CADM2: variants seen among roughly 807,000 people sequenced by gnomAD.
The protein encoded by CADM2 is cell adhesion molecule 2, also known as immunoglobulin superfamily member 4D.
CADM2 carries 12 observed loss-of-function variants against 49.8 expected under a neutral mutation model. The observed-to-expected ratio is 0.24, with a 90% confidence interval of 0.15 to 0.39. CADM2 has a LOEUF of 0.39. Among genes scored for constraint, CADM2 ranks in the 10% least tolerant of loss-of-function variants. The pLI, the probability that CADM2 is intolerant of heterozygous loss-of-function variation, is 1.00. For synonymous variants in CADM2, 214 were observed against 175.4 expected, an observed-to-expected ratio of 1.22 and a Z score of -1.74; for missense variants, 378 against 492.3, an observed-to-expected ratio of 0.77 and a Z score of 2.20.
intron 1 of CADM2, among the ~76,000 whole-genome samples, chr3:85,023,000 A>AG (rs1196866146): frequency 6.6e-6 from 1 of 152,116 alleles, no homozygotes; most frequent in Non-Finnish European, 1.5e-5. Flanking sequence ...TCTACTTATA[A>AG]AATGAGCATT....
intron 6 of CADM2, among the ~76,000 whole-genome samples, chr3:85,916,000 A>G (rs936288372): frequency 2.0e-5 from 3 of 152,168 alleles, no homozygotes; most frequent in African/African-American, 7.2e-5. Flanking sequence ...AGGCATAATG[A>G]AAAAAGTATA....
At chr3:85,449,175 T>C (rs78924839) in intron 1 of CADM2, among the ~76,000 whole-genome samples, 1,751 of 151,420 alleles carry the variant, frequency 0.012, 29 homozygotes, top group African/African-American at 0.041. Flanking sequence ...TCTTCAGCGT[T>C]TCATTTTAAT....
At chr3:86,009,658 C>T (rs1438764129) in intron 8 of CADM2, among the ~76,000 whole-genome samples, 1 of 151,778 alleles carries the variant, frequency 6.6e-6, no homozygotes, top group Non-Finnish European at 1.5e-5. Flanking sequence ...AACATAAAAG[C>T]TTCTTTCTCC....
intron 1 of CADM2, among the ~76,000 whole-genome samples, chr3:85,162,287 A>G (rs2040350985): frequency 6.6e-6 from 1 of 152,152 alleles, no homozygotes; most frequent in Non-Finnish European, 1.5e-5. Context: ...GAAAAAATAT[A>G]TATGCCATAA....
chr3:85,101,109 CT>C (rs2037994731), intron 1 of CADM2, among the ~76,000 whole-genome samples: 1 of 152,032 alleles, frequency 6.6e-6, no homozygotes, highest in Non-Finnish European at 1.5e-5. Context: ...GAAAAATTAG[CT>C]GGGTGTGCTG....
intron 7 of CADM2, among the ~76,000 whole-genome samples, chr3:85,942,723 C>A (rs1722101079): frequency 6.6e-6 from 1 of 151,794 alleles, no homozygotes; most frequent in African/African-American, 2.4e-5. Context: ...TTTTCTTAAT[C>A]CAGTCTATCA....
At chr3:85,024,203 A>T (rs999299009) in intron 1 of CADM2, among the ~76,000 whole-genome samples, 8 of 152,146 alleles carry the variant, frequency 5.3e-5, no homozygotes, top group African/African-American at 2.4e-5. Flanking sequence ...CAAAGGAAAA[A>T]TGTAAATAAC....
chr3:85,616,342 A>G (rs568305067), intron 1 of CADM2, among the ~76,000 whole-genome samples: 1 of 152,222 alleles, frequency 6.6e-6, no homozygotes, highest in East Asian at 1.9e-4. Flanking sequence ...GAATTTACAT[A>G]CATATAAATA....
chr3:85,923,638 C>A (rs1039347404), intron 6 of CADM2, among the ~76,000 whole-genome samples: 9 of 151,494 alleles, frequency 5.9e-5, no homozygotes, highest in African/African-American at 1.9e-4. Flanking sequence ...AAAAGAAAAT[C>A]CAAAACCTGG....
intron 1 of CADM2, among the ~76,000 whole-genome samples, chr3:85,386,308 C>A (rs931026327): frequency 3.9e-5 from 6 of 152,122 alleles, no homozygotes; most frequent in Admixed American, 1.3e-4. Context: ...CGTGGTCCAA[C>A]CTTAGCAAAG....
At chr3:86,014,152 A>T (rs542671201) in intron 8 of CADM2, 34 of 1,286,584 alleles carry the variant, frequency 2.6e-5, no homozygotes, top group Non-Finnish European at 3.5e-5. Flanking sequence ...ATTTTGGTGG[A>T]ACTCCTGCAA....
chr3:85,692,714 A>G (rs1193801100), intron 1 of CADM2, among the ~76,000 whole-genome samples: 1 of 152,162 alleles, frequency 6.6e-6, no homozygotes, highest in African/African-American at 2.4e-5. Context: ...CTCCCTGGTT[A>G]CTCATCACCA....
chr3:85,470,245 G>A (rs777204944), intron 1 of CADM2, among the ~76,000 whole-genome samples: 7 of 152,202 alleles, frequency 4.6e-5, no homozygotes, highest in African/African-American at 7.2e-5. Context: ...ATAACAATGC[G>A]AAGAATATAT....
intron 1 of CADM2, among the ~76,000 whole-genome samples, chr3:85,384,692 T>A (rs2034116799): frequency 6.6e-6 from 1 of 151,758 alleles, no homozygotes; most frequent in Non-Finnish European, 1.5e-5. Context: ...TGTGTGTGTG[T>A]GAGTGTATAC....
intron 1 of CADM2, among the ~76,000 whole-genome samples, chr3:85,687,813 A>C (rs1028288307): frequency 6.6e-6 from 1 of 152,170 alleles, no homozygotes; most frequent in African/African-American, 2.4e-5. Context: ...CTTGCCATGG[A>C]CCAGTACTAT....
intron 1 of CADM2, among the ~76,000 whole-genome samples, chr3:85,388,548 A>G (rs545595083): frequency 6.6e-6 from 1 of 152,312 alleles, no homozygotes; most frequent in South Asian, 2.1e-4. Flanking sequence ...TATTTTATAT[A>G]TATGTCATCT....
At chr3:85,231,435 G>GA (rs71617937) in intron 1 of CADM2, among the ~76,000 whole-genome samples, 19,474 of 148,936 alleles carry the variant, frequency 0.13, 1,600 homozygotes, top group Middle Eastern at 0.21. Context: ...GAACAAATAA[G>GA]AAAAAAAAAC....
chr3:85,030,315 A>G (rs1046861790), intron 1 of CADM2, among the ~76,000 whole-genome samples: 1 of 152,092 alleles, frequency 6.6e-6, no homozygotes, highest in African/African-American at 2.4e-5. Context: ...CTGACCAGAA[A>G]TTTTCATTTA....
intron 1 of CADM2, among the ~76,000 whole-genome samples, chr3:85,099,829 TGGG>T (rs2037943331): frequency 6.6e-6 from 1 of 152,180 alleles, no homozygotes; most frequent in East Asian, 1.9e-4. Context: ...AGCGATGGAA[TGGG>T]AGCTTTTAAA....
Sources: allele counts gnomAD v4.1 joint callset (sites outside exome capture counted in the v4.1 genomes callset), GRCh38; gene constraint gnomAD v4.1.1; transcripts MANE v1.5; gene names NCBI Gene and HGNC (gene_info 2026-07-23, HGNC 2026-07-21).